ASPH: variants seen among roughly 807,000 people sequenced by gnomAD.
The protein encoded by ASPH is aspartyl/asparaginyl beta-hydroxylase.
Under a neutral mutation model 118.4 loss-of-function variants are expected in ASPH, and 100 were observed. The observed-to-expected ratio is 0.84, with a 90% CI of 0.72 to 1.00. The LOEUF is 1.00. Ranked by LOEUF, ASPH falls within the 50% of genes least tolerant of loss-of-function variation. The probability of loss-of-function intolerance (pLI) is 0.00; values close to 1 mark genes in which losing one functional copy is unlikely to be tolerated. For synonymous variants in ASPH, 315 were observed against 325.6 expected, an observed-to-expected ratio of 0.97 and a Z score of 0.35; for missense variants, 920 against 919.5, an observed-to-expected ratio of 1.00 and a Z score of -0.01.
chr8:61,538,265 T>C (rs1820412747), intron 21 of ASPH, among the ~76,000 whole-genome samples: 1 of 152,186 alleles, frequency 6.6e-6, no homozygotes, highest in South Asian at 2.1e-4. Flanking sequence ...ATCATGTAAT[T>C]ATCAAACTCC....
chr8:61,628,819 A>G (rs1223699540), intron 13 of ASPH, among the ~76,000 whole-genome samples: 1 of 152,176 alleles, frequency 6.6e-6, no homozygotes, highest in Non-Finnish European at 1.5e-5. Flanking sequence ...CAAGCACAAC[A>G]TTGTCAATCA....
At chr8:61,624,366 C>A in intron 13 of ASPH, 3 of 985,184 alleles carry the variant, frequency 3.0e-6, no homozygotes, top group Non-Finnish European at 3.6e-6. Flanking sequence ...ATAGTAAATG[C>A]AAAATAAGCA....
At position 61,663,156 on chromosome 8, in the gene ASPH, C is replaced by T. The variant is rs1817789163; in HGVS notation, c.323-9496G>A. On this transcript the variant is annotated intron_variant, in intron 3 of 24. Coordinates refer to ENST00000379454, the MANE Select transcript of ASPH (RefSeq NM_004318.4). ...TTGAGAATCGTGTAACTTTCATATG[C>T]CTGGGGGACATGTTCTGCTTCTTCT... 5 of 985,308 alleles carry T rather than the reference C, an allele frequency of 5.1e-6. No individual in the cohort carries two copies. In the South Asian group the frequency reaches 1.4e-4, roughly 28 times the overall value. 61.0% of individuals were successfully genotyped at this position (985,308 alleles called of 1,614,324 possible). A position where few individuals can be genotyped will look rare whatever the true frequency, so the allele number is the denominator to read the frequency against.
chr8:61,536,126 G>C (rs1819488969), intron 21 of ASPH, among the ~76,000 whole-genome samples: 1 of 144,326 alleles, frequency 6.9e-6, no homozygotes, highest in African/African-American at 2.6e-5. Flanking sequence ...TGCAACCTCT[G>C]CCTCGCAGGT....
At chr8:61,620,654 C>T (rs780924541) in intron 13 of ASPH, among the ~76,000 whole-genome samples, 50 of 152,178 alleles carry the variant, frequency 3.3e-4, no homozygotes, top group Non-Finnish European at 5.3e-4. Context: ...CATTTGTAGT[C>T]ATCGGAGATA....
intron 21 of ASPH, among the ~76,000 whole-genome samples, chr8:61,542,105 C>T (rs1032015164): frequency 2.0e-5 from 3 of 152,086 alleles, no homozygotes; most frequent in Non-Finnish European, 4.4e-5. Context: ...TGTTTTATGG[C>T]CTAGTGTATA....
At chr8:61,620,338 T>C (rs1850475235) in intron 13 of ASPH, among the ~76,000 whole-genome samples, 1 of 152,220 alleles carries the variant, frequency 6.6e-6, no homozygotes, top group Non-Finnish European at 1.5e-5. Flanking sequence ...GTTTACATAA[T>C]TCCAAAGCAT....
rs374519331 is a variant in ASPH at position 61,705,619 on chromosome 8, T to G, written c.103+8650A>C. On this transcript the variant is annotated intron_variant, in intron 1 of 24. Transcript: ENST00000379454. ...CAATGGCTGCCTCTGGTGGCAGAGG[T>G]GGACGCAAGAAAGGGGCTTGAGAGA... Among the ~76,000 whole-genome samples, 86 of 152,138 alleles carry G rather than the reference T, an allele frequency of 5.7e-4. No homozygotes were observed. The Middle Eastern group carries it at 0.024, about 42-fold the overall frequency.
chr8:61,664,804 G>C (rs1818689164), intron 3 of ASPH: 1 of 987,850 alleles, frequency 1.0e-6, no homozygotes, highest in South Asian at 4.7e-5. Flanking sequence ...CCACGAAAGA[G>C]AAAAACAGGG....
At chr8:61,610,505 G>A (rs1218334167) in intron 14 of ASPH, among the ~76,000 whole-genome samples, 2 of 152,218 alleles carry the variant, frequency 1.3e-5, no homozygotes, top group East Asian at 3.8e-4. Flanking sequence ...ATCTGTGGAA[G>A]TAATCAGACA....
At chr8:61,534,738 T>C (rs1472249440) in intron 21 of ASPH, among the ~76,000 whole-genome samples, 2 of 152,220 alleles carry the variant, frequency 1.3e-5, no homozygotes, top group East Asian at 1.9e-4. Context: ...TGTGGGAAAA[T>C]AGGACCATTC....
In ASPH at chr8:61,516,836, A is replaced by T. The variant is rs189537768; in HGVS notation, c.2126+692T>A. Among the ~76,000 whole-genome samples, 17 of 152,308 alleles carry T rather than the reference A, an allele frequency of 1.1e-4. 1 individual carries two copies. In the East Asian group the frequency reaches 2.1e-3, roughly 19 times the overall value. On this transcript the variant is annotated intron_variant, in intron 24 of 24. Transcript: ENST00000379454. Reference sequence around the variant, plus strand: ...AAAGATCATGAATAAACATGTCAGGATTAGGAAAGTAACACGCAAGGGAGG... The same window carrying T: ...AAAGATCATGAATAAACATGTCAGGTTTAGGAAAGTAACACGCAAGGGAGG...
chr8:61,662,593 G>C (rs543401306), intron 3 of ASPH, among the ~76,000 whole-genome samples: 1 of 152,244 alleles, frequency 6.6e-6, no homozygotes, highest in South Asian at 2.1e-4. Flanking sequence ...GTTTTTAGTT[G>C]AAGCTTAAAT....
Position 61,562,797 on chromosome 8 carries a change from C to G in ASPH, c.1384G>C (p.Val462Leu), listed in dbSNP as rs200072789. 6.2e-7 allele frequency: 1 copy of G among 1,612,354 alleles called. No individual in the cohort carries two copies. Among genetic ancestry groups the G allele is most frequent in the Non-Finnish European group, 8.5e-7 (1 of 1,179,328 alleles). ...NDTSLKNDLG[V>L]GYLLIGDNDN... is the part of the protein sequence containing the mutation. Reference sequence around the variant, plus strand: ...TTATCTCCTATCAAGAGGTATCCCACGCCAAGGTCATTTTTTAAGGAAGTA... The same window carrying G: ...TTATCTCCTATCAAGAGGTATCCCAGGCCAAGGTCATTTTTTAAGGAAGTA... The change falls in exon 18 of 25, where the codon GTG becomes CTG. Residue 462 changes from valine to leucine, a missense_variant. By Grantham distance (32) the Val-to-Leu change is conservative. Coordinates refer to ENST00000379454, the MANE Select transcript of ASPH (RefSeq NM_004318.4).
intron 15 of ASPH, among the ~76,000 whole-genome samples, chr8:61,583,723 C>G (rs1005280287): frequency 6.6e-6 from 1 of 152,104 alleles, no homozygotes; most frequent in African/African-American, 2.4e-5. Context: ...ACACCCGCAT[C>G]GGCTGGCCTG....
intron 12 of ASPH, among the ~76,000 whole-genome samples, chr8:61,636,540 C>A (rs971254188): frequency 6.6e-6 from 1 of 152,178 alleles, no homozygotes; most frequent in African/African-American, 2.4e-5. Flanking sequence ...GAGCCCAGCA[C>A]AGAAGCTGCA....
intron 1 of ASPH, among the ~76,000 whole-genome samples, chr8:61,708,760 G>A (rs147879780): frequency 1.3e-5 from 2 of 152,288 alleles, no homozygotes; most frequent in African/African-American, 4.8e-5. Context: ...ATGAGTCACT[G>A]GGTTCAACGT....
At chr8:61,648,120 G>A (rs1042352753) in intron 5 of ASPH, among the ~76,000 whole-genome samples, 1 of 152,206 alleles carries the variant, frequency 6.6e-6, no homozygotes, top group Admixed American at 6.5e-5. Context: ...CTGTGCCACA[G>A]ATTTCCCTCC....
intron 22 of ASPH, among the ~76,000 whole-genome samples, chr8:61,521,861 T>A (rs1381703829): frequency 6.6e-6 from 1 of 152,228 alleles, no homozygotes. Flanking sequence ...GTATCTTTTA[T>A]AAATTTCAAG....
Sources: gnomAD v4.1 joint callset for allele counts (sites outside exome capture counted in the v4.1 genomes callset) on GRCh38, gnomAD v4.1.1 for gene constraint, MANE v1.5 for transcripts, NCBI Gene and HGNC (gene_info 2026-07-23, HGNC 2026-07-21) for gene names.